Variants in MAP4K3 observed in about 807,000 individuals in gnomAD.
MAP4K3 encodes mitogen-activated protein kinase kinase kinase kinase 3.
Under a neutral mutation model 143.5 loss-of-function variants are expected in MAP4K3, and 94 were observed. The observed-to-expected ratio is 0.65, with a 90% CI of 0.55 to 0.78. The LOEUF is 0.78. MAP4K3 is among the 30% of genes least tolerant of loss of function. The pLI is 0.00. For synonymous variants in MAP4K3, 416 were observed against 347.2 expected (o/e 1.20, Z -2.20); for missense variants, 1,077 against 1,068.1 (o/e 1.01, Z -0.12).
intron 27 of MAP4K3, among the ~76,000 whole-genome samples, chr2:39,265,521 T>C (rs1252688645): frequency 6.6e-6 from 1 of 152,232 alleles, no homozygotes; most frequent in African/African-American, 2.4e-5. Flanking sequence ...AGGATTTTTA[T>C]TTGTATGCAC....
chr2:39,321,456 GA>G (rs1331077102), intron 12 of MAP4K3, among the ~76,000 whole-genome samples: 2 of 152,178 alleles, frequency 1.3e-5, no homozygotes, highest in Non-Finnish European at 1.5e-5. Context: ...AAACACTACG[GA>G]AGGCCGCAGG....
chr2:39,314,356 A>C (rs1365195746), intron 13 of MAP4K3, among the ~76,000 whole-genome samples: 1 of 152,230 alleles, frequency 6.6e-6, no homozygotes, highest in Non-Finnish European at 1.5e-5. Context: ...ATATTAAAGA[A>C]ATGATAAAGA....
chr2:39,300,812 T>TA, intron 15 of MAP4K3, among the ~76,000 whole-genome samples: 1 of 152,360 alleles, frequency 6.6e-6, no homozygotes, highest in East Asian at 1.9e-4. Flanking sequence ...AGAGCTGCTC[T>TA]AGCACTTACA....
intron 16 of MAP4K3, among the ~76,000 whole-genome samples, chr2:39,297,827 C>T (rs1682345711): frequency 6.6e-6 from 1 of 152,124 alleles, no homozygotes; most frequent in Non-Finnish European, 1.5e-5. Context: ...GCCAAGGGTT[C>T]GTTACATAGA....
chr2:39,319,191 C>A (rs1683217155), intron 12 of MAP4K3, among the ~76,000 whole-genome samples: 1 of 151,720 alleles, frequency 6.6e-6, no homozygotes, highest in African/African-American at 2.4e-5. Flanking sequence ...ACTTTTAGGT[C>A]TTCTCATCTT....
chr2:39,252,399 G>T (rs1409911205), intron 32 of MAP4K3, among the ~76,000 whole-genome samples: 2 of 152,244 alleles, frequency 1.3e-5, no homozygotes, highest in Non-Finnish European at 2.9e-5. Context: ...GGATAGAAAA[G>T]ATCTACCATG....
chr2:39,351,816 G>A (rs1235563893), intron 3 of MAP4K3, among the ~76,000 whole-genome samples: 1 of 152,028 alleles, frequency 6.6e-6, no homozygotes, highest in African/African-American at 2.4e-5. Context: ...CTACAGGCAT[G>A]TGCCACCATG....
rs1336798536 is a variant in MAP4K3, at chr2:39,287,066, T to C, written c.1475-102A>G. Reference sequence around the variant, plus strand: ...AAAAAATATTAACTCTGACATAGTGTCATTATTCATTTGGGATCACCCAAT... The same window carrying C: ...AAAAAATATTAACTCTGACATAGTGCCATTATTCATTTGGGATCACCCAAT... On this transcript the variant is annotated intron_variant, in intron 20 of 33. Coordinates refer to ENST00000263881, the MANE Select transcript of MAP4K3 (RefSeq NM_003618.4). The C allele has an allele frequency of 6.7e-6, 4 of 595,694 alleles. No homozygotes were observed. The East Asian group carries it at 8.5e-5, about 13-fold the overall frequency. The allele number at this position is 595,694 out of a possible 1,614,324, so 36.9% of individuals were successfully genotyped here.
chr2:39,310,139 G>A (rs1024968168), intron 13 of MAP4K3, among the ~76,000 whole-genome samples: 1 of 152,050 alleles, frequency 6.6e-6, no homozygotes, highest in African/African-American at 2.4e-5. Flanking sequence ...CTTCTATTTT[G>A]AAATATACAA....
chr2:39,291,516 C>A (rs1398850635), intron 18 of MAP4K3, among the ~76,000 whole-genome samples: 1 of 152,126 alleles, frequency 6.6e-6, no homozygotes, highest in Non-Finnish European at 1.5e-5. Flanking sequence ...TCATCAAAAA[C>A]TATATATATG....
intron 3 of MAP4K3, among the ~76,000 whole-genome samples, chr2:39,352,892 C>A (rs1032336449): frequency 2.0e-5 from 3 of 152,032 alleles, no homozygotes; most frequent in African/African-American, 4.8e-5. Flanking sequence ...ATTTGTTATA[C>A]AGGTTGTAAT....
chr2:39,373,912 C>T (rs1006434953), intron 2 of MAP4K3, among the ~76,000 whole-genome samples: 5 of 151,912 alleles, frequency 3.3e-5, no homozygotes, highest in Admixed American at 6.6e-5. Context: ...TTAGTAACAA[C>T]AACAACAAAA....
chr2:39,346,935 G>C (rs1665309370), intron 3 of MAP4K3, among the ~76,000 whole-genome samples: 1 of 151,822 alleles, frequency 6.6e-6, no homozygotes, highest in Non-Finnish European at 1.5e-5. Flanking sequence ...TCCATAACCT[G>C]ATCTCTATAG....
chr2:39,323,072 C>A (rs929033467), intron 12 of MAP4K3, among the ~76,000 whole-genome samples: 2 of 152,146 alleles, frequency 1.3e-5, no homozygotes, highest in African/African-American at 4.8e-5. Flanking sequence ...TTAGCAATTA[C>A]AATTACAAAT....
At chr2:39,289,453 TA>T (rs1173064020) in intron 19 of MAP4K3, among the ~76,000 whole-genome samples, 1 of 152,206 alleles carries the variant, frequency 6.6e-6, no homozygotes, top group Non-Finnish European at 1.5e-5. Flanking sequence ...TATGAACTTA[TA>T]AAGTATATAT....
rs933448434 is a variant in MAP4K3, at chr2:39,293,372, T to A, written c.1179-104A>T. ...CCTTAACCATACATTTTTTGAATGA[T>A]TACTTTTTTACCATTTACTGAAAAT... On this transcript the variant is annotated intron_variant, in intron 16 of 33. Transcript: ENST00000263881. 6.7e-6 allele frequency: 5 copies of A among 747,584 alleles called. No homozygotes were observed. The African/African-American group carries it at 9.1e-5, about 14-fold the overall frequency. 46.3% of individuals were successfully genotyped at this position (747,584 alleles called of 1,614,324 possible).
intron 1 of MAP4K3, among the ~76,000 whole-genome samples, chr2:39,400,518 CCT>C (rs1326829003): frequency 3.4e-4 from 51 of 151,850 alleles, no homozygotes; most frequent in South Asian, 4.2e-4. Context: ...ATTGTTCCCC[CCT>C]CTCTTTCTTC....
chr2:39,307,663 T>G (rs1352176925), intron 15 of MAP4K3, among the ~76,000 whole-genome samples: 1 of 151,692 alleles, frequency 6.6e-6, no homozygotes, highest in Non-Finnish European at 1.5e-5. Context: ...GGAAATGCCA[T>G]TTCTTAAAAA....
In MAP4K3 at chr2:39,308,012, A is replaced by G; in HGVS notation, c.1057-7T>C. 6.3e-7 allele frequency: 1 copy of G among 1,590,030 alleles called. No homozygotes were observed. The highest frequency in any genetic ancestry group is 8.6e-7 in the Non-Finnish European group (1 of 1,169,338). ...AAAAACCATCACTGTCGGGCTGTTT[A>G]GCAGAGACCAAGAAACCCAAGTTAT... On this transcript the variant is annotated splice_polypyrimidine_tract_variant and splice_region_variant and intron_variant, in intron 14 of 33. Transcript: ENST00000263881.
Sources: allele counts gnomAD v4.1 joint callset (sites outside exome capture counted in the v4.1 genomes callset), GRCh38; gene constraint gnomAD v4.1.1; transcripts MANE v1.5; gene names NCBI Gene and HGNC (gene_info 2026-07-23, HGNC 2026-07-21).